Variants in KLHL32 observed in about 807,000 individuals in gnomAD.
KLHL32 encodes kelch-like protein 32.
KLHL32 carries 35 observed loss-of-function variants against 64.8 expected under a neutral mutation model. The ratio of observed to expected loss-of-function variants is 0.54; its 90% confidence interval spans 0.41 to 0.72. KLHL32 has a LOEUF of 0.72. Ranked by LOEUF, KLHL32 falls within the 30% of genes least tolerant of loss-of-function variation. The pLI, the probability that KLHL32 is intolerant of heterozygous loss-of-function variation, is 0.00. For synonymous variants in KLHL32, 259 were observed against 281.0 expected (o/e 0.92, Z 0.78); for missense variants, 589 against 768.5 (o/e 0.77, Z 2.76).
chr6:96,955,470 A>G (rs1174878946), intron 1 of KLHL32, among the ~76,000 whole-genome samples: 1 of 151,882 alleles, frequency 6.6e-6, no homozygotes, highest in Non-Finnish European at 1.5e-5. Context: ...TCTTTACTAT[A>G]GTTTCAGTGA....
intron 1 of KLHL32, among the ~76,000 whole-genome samples, chr6:96,953,362 G>T (rs568516250): frequency 3.9e-5 from 6 of 152,250 alleles, no homozygotes; most frequent in African/African-American, 1.4e-4. Context: ...AAGCTTGTTG[G>T]CTCATGCCTG....
At chr6:96,990,953 T>A (rs12215529) in intron 3 of KLHL32, among the ~76,000 whole-genome samples, 1 of 151,330 alleles carries the variant, frequency 6.6e-6, no homozygotes, top group Admixed American at 6.6e-5. Context: ...CTTTCGGTTT[T>A]GTCTAGGAGC....
intron 3 of KLHL32, among the ~76,000 whole-genome samples, chr6:96,993,525 T>C (rs1164903309): frequency 6.6e-6 from 1 of 152,228 alleles, no homozygotes; most frequent in Non-Finnish European, 1.5e-5. Context: ...GCAAGTCAGA[T>C]GGCCAAGTCC....
chr6:97,045,740 G>A (rs777099976), intron 4 of KLHL32, among the ~76,000 whole-genome samples: 7 of 152,214 alleles, frequency 4.6e-5, no homozygotes, highest in Non-Finnish European at 1.0e-4. Flanking sequence ...GTGCACGCAT[G>A]TGTGCGTGTA....
intron 4 of KLHL32, among the ~76,000 whole-genome samples, chr6:97,049,502 C>A (rs1582844213): frequency 7.1e-6 from 1 of 140,762 alleles, no homozygotes; most frequent in African/African-American, 2.7e-5. Context: ...TCGTTTATTT[C>A]TAGAATTTTC....
At chr6:96,942,148 C>A (rs761502214) in intron 1 of KLHL32, among the ~76,000 whole-genome samples, 19 of 152,192 alleles carry the variant, frequency 1.2e-4, no homozygotes, top group Non-Finnish European at 2.4e-4. Flanking sequence ...TTACAGCCAG[C>A]GGTTACCCCA....
At chr6:97,063,313 C>T (rs1022615581) in intron 4 of KLHL32, among the ~76,000 whole-genome samples, 2 of 151,980 alleles carry the variant, frequency 1.3e-5, no homozygotes, top group Non-Finnish European at 2.9e-5. Flanking sequence ...CTGATGGATT[C>T]GATATAAGGC....
Position 96,944,699 on chromosome 6 carries a change from A to T in KLHL32, c.-66+19673A>T, listed in dbSNP as rs73492880. On this transcript the variant is annotated intron_variant, in intron 1 of 10. Coordinates refer to ENST00000369261, the MANE Select transcript of KLHL32 (RefSeq NM_052904.4). ...AGGCTATATTACTTGTTCAAGTTGC[A>T]TGAGTAATAAGTTGTGAGGTTAGAA... 6.8e-3 allele frequency among the ~76,000 whole-genome samples: 1,036 copies of T among 152,352 alleles called. 17 individuals are homozygous for T. Among genetic ancestry groups the T allele is most frequent in the African/African-American group, 0.024 (999 of 41,576 alleles).
intron 4 of KLHL32, among the ~76,000 whole-genome samples, chr6:97,062,165 T>G (rs1789014590): frequency 6.6e-6 from 1 of 152,232 alleles, no homozygotes; most frequent in Non-Finnish European, 1.5e-5. Context: ...ATGTAACACA[T>G]GCTATGGAAT....
rs148968747 is a variant in KLHL32, at chr6:97,063,462, T to C, written c.313-1166T>C. Among the ~76,000 whole-genome samples, 648 of 152,168 alleles carry C rather than the reference T, an allele frequency of 4.3e-3. 2 individuals are homozygous for C. The highest frequency in any genetic ancestry group is 0.015 in the African/African-American group (606 of 41,512). On this transcript the variant is annotated intron_variant, in intron 4 of 10. Coordinates refer to ENST00000369261, the MANE Select transcript of KLHL32 (RefSeq NM_052904.4). ...TGGGATCAAGCACACAAGTGGACTG[T>C]TGGGGAGAGCAAAAGGTACTGATAC...
At chr6:97,028,595 A>G (rs1783067481) in intron 3 of KLHL32, among the ~76,000 whole-genome samples, 1 of 152,192 alleles carries the variant, frequency 6.6e-6, no homozygotes. Flanking sequence ...ACAACTGCTC[A>G]GTCATTCCTT....
chr6:97,091,493 G>A (rs6929158), intron 6 of KLHL32, among the ~76,000 whole-genome samples: 129,975 of 152,202 alleles, frequency 0.85, 55,626 homozygotes, highest in East Asian at 1. Context: ...GCACCAACAG[G>A]GTCCTGCTGT....
intron 1 of KLHL32, among the ~76,000 whole-genome samples, chr6:96,943,313 G>A (rs1315954879): frequency 6.6e-6 from 1 of 151,566 alleles, no homozygotes; most frequent in Non-Finnish European, 1.5e-5. Flanking sequence ...CTCTTAAAGG[G>A]TTGGTCTCTT....
chr6:96,912,195 A>T, the KLHL32 span, among the ~76,000 whole-genome samples: 1 of 151,144 alleles, frequency 6.6e-6, no homozygotes, highest in Non-Finnish European at 1.5e-5. Flanking sequence ...AGCATCCTCA[A>T]CTCTTAATCC....
chr6:96,926,040 G>A (rs1332399143), intron 1 of KLHL32, among the ~76,000 whole-genome samples: 1 of 152,142 alleles, frequency 6.6e-6, no homozygotes, highest in African/African-American at 2.4e-5. Flanking sequence ...TGGGCTGTCA[G>A]TTTTGTTTTA....
At chr6:97,074,018 C>T (rs1562307964) in intron 5 of KLHL32, among the ~76,000 whole-genome samples, 2 of 152,190 alleles carry the variant, frequency 1.3e-5, no homozygotes, top group African/African-American at 2.4e-5. Context: ...TGGCCTCAGT[C>T]CTGAACATTC....
At chr6:97,127,322 C>G in intron 7 of KLHL32, 82 bp from the exon 8 acceptor site, 2 of 1,160,786 alleles carry the variant, frequency 1.7e-6, no homozygotes, top group South Asian at 2.5e-5. Context: ...AGCTAATTCT[C>G]CTTTAATTGT....
At chr6:96,943,126 A>G (rs1393312582) in intron 1 of KLHL32, among the ~76,000 whole-genome samples, 1 of 150,722 alleles carries the variant, frequency 6.6e-6, no homozygotes, top group African/African-American at 2.4e-5. Context: ...ACATACCAGC[A>G]TATAGACACA....
Position 96,969,039 on chromosome 6 carries a change from T to A in KLHL32, c.23+1956T>A, listed in dbSNP as rs151192075. On this transcript the variant is annotated intron_variant, in intron 2 of 10. Coordinates refer to ENST00000369261, the MANE Select transcript of KLHL32 (RefSeq NM_052904.4). ...CTCTTCCTAACTGTAGTCGGGGTCATTGTCCTTTATTCACTGAGCATTTCG... is the reference window on the plus strand; with the variant it reads ...CTCTTCCTAACTGTAGTCGGGGTCAATGTCCTTTATTCACTGAGCATTTCG... 1.2e-4 allele frequency among the ~76,000 whole-genome samples: 19 copies of A among 152,298 alleles called. No homozygotes were observed. In the East Asian group the frequency reaches 3.7e-3, roughly 29 times the overall value.
Sources: allele counts gnomAD v4.1 joint callset (sites outside exome capture counted in the v4.1 genomes callset), GRCh38; gene constraint gnomAD v4.1.1; transcripts MANE v1.5; gene names NCBI Gene and HGNC (gene_info 2026-07-23, HGNC 2026-07-21).